ZNF236: variants seen among roughly 807,000 people sequenced by gnomAD.
The protein encoded by ZNF236 is regulated by glucose.
In ZNF236, 50 loss-of-function variants were observed where a neutral mutation model predicts 191.2. That is an observed-to-expected ratio of 0.26 (90% CI 0.21 to 0.33). The LOEUF is 0.33. Among genes scored for constraint, ZNF236 ranks in the 10% least tolerant of loss-of-function variants. ZNF236 has a pLI of 1.00. For synonymous variants in ZNF236, 907 were observed against 928.8 expected (o/e 0.98, Z 0.43); for missense variants, 1,754 against 2,374.5 (o/e 0.74, Z 5.43).
At chr18:76,922,757 A>G (rs1430557850) in intron 20 of ZNF236, among the ~76,000 whole-genome samples, 1 of 151,966 alleles carries the variant, frequency 6.6e-6, no homozygotes, top group African/African-American at 2.4e-5. Context: ...GGGTTTTACC[A>G]TGTTGGCCAG....
Position 76,895,161 on chromosome 18 carries a change from C to T in ZNF236, c.1566C>T (p.Ala522=), listed in dbSNP as rs771108605. 8.7e-6 allele frequency: 14 copies of T among 1,607,954 alleles called. No individual in the cohort carries two copies. Among genetic ancestry groups the T allele is most frequent in the South Asian group, 2.2e-5 (2 of 91,094 alleles). Residue 522 remains alanine (A), a synonymous_variant, in exon 10 of 31, where the codon GCC becomes GCT. Coordinates refer to ENST00000320610, the MANE Select transcript of ZNF236 (RefSeq NM_001306089.2). ...GCCCGCAGTGCTTCCGCGCCTTCGCCGTGAAGAGCACGCTGACAGCGCACA... is the reference window on the plus strand; with the variant it reads ...GCCCGCAGTGCTTCCGCGCCTTCGCTGTGAAGAGCACGCTGACAGCGCACA... ...FKCPQCFRAF[A]VKSTLTAHIK...
chr18:76,926,770 G>A (rs76594942), intron 22 of ZNF236, among the ~76,000 whole-genome samples: 30 of 38,272 alleles, frequency 7.8e-4, no homozygotes, highest in Non-Finnish European at 1.1e-3. Flanking sequence ...CAGTGTGTGT[G>A]TATGGTATAA....
At chr18:76,828,447 C>A (rs945792189) in intron 1 of ZNF236, among the ~76,000 whole-genome samples, 1 of 152,108 alleles carries the variant, frequency 6.6e-6, no homozygotes, top group African/African-American at 2.4e-5. Flanking sequence ...GGATTACAGG[C>A]GTGAGCCCCC....
intron 1 of ZNF236, among the ~76,000 whole-genome samples, chr18:76,837,437 C>CTTTTTTTTTTTTTTTTTTT (rs71760598): frequency 4.7e-5 from 5 of 105,872 alleles, no homozygotes; most frequent in African/African-American, 1.1e-4. Flanking sequence ...TTTTCTTTTT[C>CTTTTTTTTTTTTTTTTTTT]TTTTTTTTTT....
At chr18:76,966,262 G>A (rs947480550) in intron 30 of ZNF236, among the ~76,000 whole-genome samples, 4 of 152,102 alleles carry the variant, frequency 2.6e-5, no homozygotes, top group African/African-American at 9.7e-5. Context: ...ATGATCTCTG[G>A]AAGCCTGTGC....
At chr18:76,892,189 T>TTG (rs398033589) in intron 9 of ZNF236, among the ~76,000 whole-genome samples, 1 of 139,414 alleles carries the variant, frequency 7.2e-6, no homozygotes, top group Non-Finnish European at 1.5e-5. Context: ...TTTTTTTTTT[T>TTG]GTAAATAGGA....
intron 30 of ZNF236, among the ~76,000 whole-genome samples, chr18:76,965,972 C>T (rs893197195): frequency 2.6e-4 from 40 of 152,234 alleles, no homozygotes; most frequent in Admixed American, 1.3e-3. Context: ...CTTTGTCTTC[C>T]GCTTCCAGGG....
chr18:76,864,613 C>T (rs1298600132), intron 3 of ZNF236, among the ~76,000 whole-genome samples: 3 of 151,418 alleles, frequency 2.0e-5, no homozygotes, highest in East Asian at 1.9e-4. Context: ...GAATATAATA[C>T]ACTGTTCTTC....
At chr18:76,860,864 A>G (rs1458727961) in intron 3 of ZNF236, among the ~76,000 whole-genome samples, 1 of 152,248 alleles carries the variant, frequency 6.6e-6, no homozygotes, top group Non-Finnish European at 1.5e-5. Flanking sequence ...TTCAGCACAC[A>G]GCAGGCTGTC....
intron 3 of ZNF236, 74 bp from the exon 4 acceptor site, chr18:76,868,611 G>C (rs537652167): frequency 1.6e-6 from 2 of 1,282,222 alleles, no homozygotes; most frequent in African/African-American, 3.0e-5. Context: ...TGTATTAACC[G>C]TTGATCATAC....
chr18:76,825,728 C>G (rs1974995566), intron 1 of ZNF236, among the ~76,000 whole-genome samples: 1 of 152,128 alleles, frequency 6.6e-6, no homozygotes, highest in Admixed American at 6.5e-5. Flanking sequence ...GGACAAACAT[C>G]AATAGATATA....
intron 21 of ZNF236, among the ~76,000 whole-genome samples, chr18:76,924,500 A>C (rs1967622032): frequency 2.0e-5 from 3 of 152,202 alleles, no homozygotes; most frequent in Admixed American, 2.0e-4. Flanking sequence ...AGTGTGCACC[A>C]TCCTGTAAAA....
chr18:76,937,386 G>C (rs770947420), intron 26 of ZNF236, 43 bp downstream of exon 26: 5 of 1,480,310 alleles, frequency 3.4e-6, no homozygotes, highest in African/African-American at 1.4e-5. Flanking sequence ...CTTTCAAAAA[G>C]TGATCTTTGA....
intron 3 of ZNF236, among the ~76,000 whole-genome samples, chr18:76,855,033 C>G (rs1976003427): frequency 6.6e-6 from 1 of 152,204 alleles, no homozygotes; most frequent in Admixed American, 6.5e-5. Flanking sequence ...TCAAGTGATT[C>G]TCCTGCCTCA....
chr18:76,867,186 A>G (rs527283793), intron 3 of ZNF236, among the ~76,000 whole-genome samples: 7 of 151,236 alleles, frequency 4.6e-5, no homozygotes, highest in African/African-American at 1.5e-4. Context: ...ATTGGTAATG[A>G]AAGCAGTGCA....
In ZNF236 at chr18:76,899,099, T is replaced by C; in HGVS notation, c.1771T>C (p.Phe591Leu). The C allele has an allele frequency of 3.7e-6, 6 of 1,614,178 alleles. No individual in the cohort carries two copies. The highest frequency in any genetic ancestry group is 5.1e-6 in the Non-Finnish European group (6 of 1,180,018). ...GHRKTHIASH[F>L]KHTELRKMRH... ...TAGGAAGACTCACATTGCTTCCCAC[T>C]TTAAACATACGGAATTAAGGAAAAT... Residue 591 changes from phenylalanine to leucine, a missense_variant, in exon 11 of 31, where the codon TTT (phenylalanine) becomes CTT (leucine). Transcript: ENST00000320610.
At chr18:76,861,235 T>C (rs376690296) in intron 3 of ZNF236, among the ~76,000 whole-genome samples, 96 of 152,342 alleles carry the variant, frequency 6.3e-4, no homozygotes, top group African/African-American at 2.3e-3. Flanking sequence ...CTGGCGTATG[T>C]GGTACAGAGC....
chr18:76,824,502 G>A (rs1224675289), intron 1 of ZNF236: 7 of 777,608 alleles, frequency 9.0e-6, no homozygotes, highest in Admixed American at 1.7e-5. Flanking sequence ...TGCCTCTCCC[G>A]CTTTTGAGTT....
At chr18:76,938,555 T>A (rs1968055924) in intron 26 of ZNF236, among the ~76,000 whole-genome samples, 2 of 152,184 alleles carry the variant, frequency 1.3e-5, no homozygotes, top group African/African-American at 4.8e-5. Flanking sequence ...TGAGCTCTAG[T>A]CCCTCGCATT....
Sources: allele counts gnomAD v4.1 joint callset (sites outside exome capture counted in the v4.1 genomes callset), GRCh38; gene constraint gnomAD v4.1.1; transcripts MANE v1.5; gene names NCBI Gene and HGNC (gene_info 2026-07-23, HGNC 2026-07-21).